MLIP: variants seen among roughly 807,000 people sequenced by gnomAD.
MLIP encodes muscular LMNA interacting protein.
MLIP carries 79 observed loss-of-function variants against 84.8 expected under a neutral mutation model. The observed-to-expected ratio is 0.93, with a 90% CI of 0.78 to 1.12. The LOEUF (loss-of-function observed/expected upper bound fraction) is 1.12, where lower values mean the gene tolerates loss of function less well. Ranked by LOEUF, MLIP falls within the 50% of genes most tolerant of loss-of-function variation. The probability of loss-of-function intolerance (pLI) is 0.00; values close to 1 mark genes in which losing one functional copy is unlikely to be tolerated. For missense variants in MLIP, 1,257 were observed against 1,160.6 expected (o/e 1.08, Z -1.21); for synonymous variants, 504 against 463.0 (o/e 1.09, Z -1.14).
intron 1 of MLIP, among the ~76,000 whole-genome samples, chr6:54,056,683 T>C (rs1021759972): frequency 1.3e-5 from 2 of 152,190 alleles, no homozygotes; most frequent in African/African-American, 4.8e-5. Flanking sequence ...CCAGCAAGAA[T>C]GCCTTTATTT....
At chr6:54,210,347 G>C (rs528676033) in intron 11 of MLIP, among the ~76,000 whole-genome samples, 74 of 151,796 alleles carry the variant, frequency 4.9e-4, no homozygotes, top group African/African-American at 1.8e-3. Flanking sequence ...CATGTAACTT[G>C]AAATATGAAC....
chr6:54,154,865 G>A (rs1340266296), intron 5 of MLIP, among the ~76,000 whole-genome samples: 1 of 152,116 alleles, frequency 6.6e-6, no homozygotes, highest in Non-Finnish European at 1.5e-5. Context: ...GCTACTGAAA[G>A]AGATGAGGCA....
chr6:54,198,240 G>T (rs1562047257), intron 10 of MLIP, among the ~76,000 whole-genome samples: 1 of 152,124 alleles, frequency 6.6e-6, no homozygotes, highest in African/African-American at 2.4e-5. Context: ...CTCATAACAG[G>T]TTCTCAGGTG....
At chr6:54,252,530 T>C (rs956567151) in intron 12 of MLIP, among the ~76,000 whole-genome samples, 1 of 143,824 alleles carries the variant, frequency 7.0e-6, no homozygotes, top group African/African-American at 2.5e-5. Context: ...ATATATAATA[T>C]AGATAATGAT....
rs544088530 is a variant in MLIP, at chr6:54,025,324, T to A, written c.63+6233T>A. Reference sequence around the variant, plus strand: ...TGTTATCTAGATATTACTTTCCGTATGGCTTGAATGTTGCTTCTGATCTAT... The same window carrying A: ...TGTTATCTAGATATTACTTTCCGTAAGGCTTGAATGTTGCTTCTGATCTAT... On this transcript the variant is annotated intron_variant, in intron 1 of 12. Transcript: ENST00000274897. Among the ~76,000 whole-genome samples, 9 of 152,340 alleles carry A rather than the reference T, an allele frequency of 5.9e-5. No homozygotes were observed. In the South Asian group the frequency reaches 1.9e-3, roughly 32 times the overall value.
At chr6:54,021,751 A>G (rs573832636) in intron 1 of MLIP, among the ~76,000 whole-genome samples, 1 of 152,360 alleles carries the variant, frequency 6.6e-6, no homozygotes, top group East Asian at 1.9e-4. Flanking sequence ...TCAATACATA[A>G]TCAGAAATAA....
chr6:54,088,119 A>T (rs1466218141), intron 1 of MLIP, among the ~76,000 whole-genome samples: 1 of 152,172 alleles, frequency 6.6e-6, no homozygotes, highest in Non-Finnish European at 1.5e-5. Flanking sequence ...CATTTAGTTT[A>T]TGCAAGGTGG....
intron 1 of MLIP, among the ~76,000 whole-genome samples, chr6:54,114,001 G>T (rs2150412674): frequency 6.6e-6 from 1 of 152,244 alleles, no homozygotes; most frequent in East Asian, 1.9e-4. Flanking sequence ...ACTGTTCCTG[G>T]ATTTATATTT....
chr6:54,234,515 C>A (rs1357834312), intron 12 of MLIP, among the ~76,000 whole-genome samples: 1 of 152,112 alleles, frequency 6.6e-6, no homozygotes, highest in Non-Finnish European at 1.5e-5. Context: ...ACAAAAGGAG[C>A]ACTTGATCCT....
At chr6:54,128,042 G>T (rs1416251202) in intron 3 of MLIP, among the ~76,000 whole-genome samples, 1 of 152,228 alleles carries the variant, frequency 6.6e-6, no homozygotes, top group African/African-American at 2.4e-5. Flanking sequence ...AGCCTGATGA[G>T]GTAGAATTAG....
chr6:54,205,175 G>A (rs373874394), intron 11 of MLIP, among the ~76,000 whole-genome samples: 59 of 152,316 alleles, frequency 3.9e-4, no homozygotes, highest in African/African-American at 1.2e-3. Flanking sequence ...AGATGCTTAC[G>A]TCTGCTTAAA....
chr6:54,051,036 G>T (rs1024116802), intron 1 of MLIP, among the ~76,000 whole-genome samples: 6 of 152,080 alleles, frequency 3.9e-5, no homozygotes, highest in African/African-American at 1.4e-4. Context: ...CTAGCTCAAG[G>T]CACTTTTTCA....
chr6:54,187,660 T>C (rs1327466785), intron 9 of MLIP, among the ~76,000 whole-genome samples: 2 of 152,092 alleles, frequency 1.3e-5, no homozygotes, highest in African/African-American at 4.8e-5. Context: ...GACAAAAATA[T>C]AAAAACGAGT....
intron 1 of MLIP, among the ~76,000 whole-genome samples, chr6:54,104,817 G>A (rs1446111777): frequency 1.3e-5 from 2 of 152,166 alleles, no homozygotes; most frequent in African/African-American, 4.8e-5. Flanking sequence ...GTCACACTGT[G>A]AGTGGGATGA....
At chr6:54,197,414 C>A (rs1778376114) in intron 10 of MLIP, among the ~76,000 whole-genome samples, 1 of 152,034 alleles carries the variant, frequency 6.6e-6, no homozygotes, top group African/African-American at 2.4e-5. Context: ...CAGACTAGAT[C>A]TTAACTGGCA....
intron 11 of MLIP, among the ~76,000 whole-genome samples, chr6:54,211,789 A>G (rs1203841661): frequency 6.6e-6 from 1 of 152,200 alleles, no homozygotes; most frequent in Non-Finnish European, 1.5e-5. Flanking sequence ...CCCAGCCTCA[A>G]ATGGCAATAA....
At chr6:54,135,052 T>A (rs1771686419) in intron 3 of MLIP, among the ~76,000 whole-genome samples, 1 of 152,104 alleles carries the variant, frequency 6.6e-6, no homozygotes, top group Non-Finnish European at 1.5e-5. Flanking sequence ...TAATTATGTA[T>A]TTAACTAAAA....
intron 5 of MLIP, among the ~76,000 whole-genome samples, chr6:54,158,481 A>G (rs1774277211): frequency 6.6e-6 from 1 of 152,098 alleles, no homozygotes; most frequent in Admixed American, 6.6e-5. Context: ...CCCATGGCAT[A>G]TATTTTTTGT....
At chr6:54,262,751 AG>A (rs1012271508) in intron 13 of MLIP, among the ~76,000 whole-genome samples, 6 of 152,080 alleles carry the variant, frequency 3.9e-5, no homozygotes, top group African/African-American at 1.4e-4. Flanking sequence ...GAGAGGAGAA[AG>A]TACTTACAAT....
Sources: gnomAD v4.1 joint callset for allele counts (sites outside exome capture counted in the v4.1 genomes callset) on GRCh38, gnomAD v4.1.1 for gene constraint, MANE v1.5 for transcripts, NCBI Gene and HGNC (gene_info 2026-07-23, HGNC 2026-07-21) for gene names.